The following GSK3B variants were observed in gnomAD, a reference collection of about 807,000 sequenced individuals.
GSK3B encodes the protein glycogen synthase kinase-3 beta.
Under a neutral mutation model 56.4 loss-of-function variants are expected in GSK3B, and 15 were observed. The observed-to-expected ratio is 0.27, with a 90% confidence interval of 0.18 to 0.41. The LOEUF (loss-of-function observed/expected upper bound fraction) is 0.41, where lower values mean the gene tolerates loss of function less well. Ranked by LOEUF, GSK3B falls within the 10% of genes least tolerant of loss-of-function variation. The pLI is 1.00. For synonymous variants in GSK3B, 181 were observed against 188.9 expected, an observed-to-expected ratio of 0.96 and a Z score of 0.34; for missense variants, 300 against 513.4, an observed-to-expected ratio of 0.58 and a Z score of 4.02.
intron 10 of GSK3B, among the ~76,000 whole-genome samples, chr3:119,828,578 G>A (rs920819610): frequency 6.6e-6 from 1 of 152,144 alleles, no homozygotes; most frequent in Non-Finnish European, 1.5e-5. Context: ...GCTATGGTGA[G>A]TAGAATAACC....
intron 7 of GSK3B, among the ~76,000 whole-genome samples, chr3:119,895,433 T>C (rs762148801): frequency 1.0e-4 from 4 of 39,384 alleles, no homozygotes; most frequent in Non-Finnish European, 1.6e-4. Flanking sequence ...TCAGGATAGA[T>C]TACCTAGAAG....
chr3:119,935,197 T>C (rs1270696695), intron 3 of GSK3B, among the ~76,000 whole-genome samples: 1 of 152,084 alleles, frequency 6.6e-6, no homozygotes, highest in African/African-American at 2.4e-5. Flanking sequence ...ATCCAGATAA[T>C]CAATAAACCA....
chr3:119,972,388 A>T (rs1476282252), intron 2 of GSK3B, among the ~76,000 whole-genome samples: 1 of 152,192 alleles, frequency 6.6e-6, no homozygotes, highest in Non-Finnish European at 1.5e-5. Flanking sequence ...AATGAAAAAC[A>T]GAATTAAGGG....
intron 2 of GSK3B, among the ~76,000 whole-genome samples, chr3:119,988,485 G>T (rs1057295353): frequency 1.3e-5 from 2 of 152,178 alleles, no homozygotes; most frequent in Non-Finnish European, 2.9e-5. Flanking sequence ...TGGAAAAACT[G>T]GTTATTTTTA....
In GSK3B at chr3:120,093,678, G is replaced by A; in HGVS notation, c.-244C>T. 1 of 388,130 alleles carries A rather than the reference G, an allele frequency of 2.6e-6. No homozygotes were observed. The highest frequency in any genetic ancestry group is 4.6e-6 in the Non-Finnish European group (1 of 216,996). 24.0% of individuals were successfully genotyped at this position (388,130 alleles called of 1,614,324 possible). Reference sequence around the variant, plus strand: ...AACATATAGATGATTTAGGACTTGGGAAAAAATACAATTCTTTCCCCTCCC... The same window carrying A: ...AACATATAGATGATTTAGGACTTGGAAAAAAATACAATTCTTTCCCCTCCC... On this transcript the variant is annotated 5_prime_UTR_variant, in exon 1 of 11. Transcript: ENST00000264235.
At chr3:119,847,162 T>C (rs1432693686) in intron 9 of GSK3B, among the ~76,000 whole-genome samples, 6 of 151,890 alleles carry the variant, frequency 4.0e-5, no homozygotes, top group African/African-American at 1.5e-4. Flanking sequence ...GGGGGAGGGA[T>C]AGCATTAGGA....
intron 7 of GSK3B, among the ~76,000 whole-genome samples, chr3:119,904,826 T>G (rs2056665915): frequency 6.6e-6 from 1 of 152,008 alleles, no homozygotes; most frequent in South Asian, 2.1e-4. Context: ...TCTAAGGAGA[T>G]TTTTCAATTT....
chr3:119,856,953 C>T (rs1166980334), intron 9 of GSK3B, among the ~76,000 whole-genome samples: 1 of 152,106 alleles, frequency 6.6e-6, no homozygotes, highest in South Asian at 2.1e-4. Flanking sequence ...AAGTGAGTCA[C>T]GCAAATGTTT....
At chr3:120,035,425 C>T (rs1051502803) in intron 1 of GSK3B, among the ~76,000 whole-genome samples, 6 of 152,186 alleles carry the variant, frequency 3.9e-5, no homozygotes, top group East Asian at 3.8e-4. Context: ...CTGCAACCCT[C>T]GGAAACTAAT....
At chr3:119,994,700 C>A (rs2057598147) in intron 2 of GSK3B, among the ~76,000 whole-genome samples, 1 of 152,044 alleles carries the variant, frequency 6.6e-6, no homozygotes, top group Non-Finnish European at 1.5e-5. Flanking sequence ...AAACATTACA[C>A]AAACCCAAAT....
chr3:119,944,579 T>G (rs2057081924), intron 3 of GSK3B, among the ~76,000 whole-genome samples: 1 of 152,166 alleles, frequency 6.6e-6, no homozygotes, highest in African/African-American at 2.4e-5. Flanking sequence ...TTCACTGTCC[T>G]GGCCTCAAAC....
rs1041704196 is a variant in GSK3B at position 119,825,295 on chromosome 3, C to T, written c.*1493G>A. The stretch of plus-strand genomic sequence containing the variant: ...CTAGTCATGAAAATCTATTTCCTCA[C>T]GGCAAACATAGTCCTTCAATTCTCC... On this transcript the variant is annotated 3_prime_UTR_variant, in exon 11 of 11. Transcript: ENST00000264235. The T allele has an allele frequency of 2.4e-4, 55 of 229,270 alleles. No individual in the cohort carries two copies. The highest frequency in any genetic ancestry group is 2.6e-3 in the Middle Eastern group (2 of 764). 14.2% of individuals were successfully genotyped at this position (229,270 alleles called of 1,614,324 possible).
chr3:119,900,856 A>G (rs1019811184), intron 7 of GSK3B, among the ~76,000 whole-genome samples: 1 of 152,266 alleles, frequency 6.6e-6, no homozygotes, highest in South Asian at 2.1e-4. Context: ...AAAAGAAAAT[A>G]TAGTATATGA....
chr3:119,884,468 T>G (rs1294285795), intron 7 of GSK3B, among the ~76,000 whole-genome samples: 1 of 152,048 alleles, frequency 6.6e-6, no homozygotes, highest in Non-Finnish European at 1.5e-5. Flanking sequence ...GACACATCAA[T>G]TTTCTTTTCT....
At chr3:119,994,323 TTAGAG>T (rs1322517106) in intron 2 of GSK3B, among the ~76,000 whole-genome samples, 1 of 152,252 alleles carries the variant, frequency 6.6e-6, no homozygotes, top group African/African-American at 2.4e-5. Context: ...CTCATAATCC[TTAGAG>T]TAGAATCTAA....
chr3:119,843,579 C>T lies in GSK3B; in HGVS notation c.1097-226G>A, dbSNP rs1577309954. On this transcript the variant is annotated intron_variant, in intron 9 of 10. Coordinates refer to ENST00000264235, the MANE Select transcript of GSK3B (RefSeq NM_001146156.2). ...CCAACATGGTGAAACCCCGTCTCTA[C>T]TAAAAATACAAAAATTAGGGGATCA... 1.4e-5 allele frequency: 3 copies of T among 212,732 alleles called. No homozygotes were observed. In the East Asian group the frequency reaches 4.4e-4, roughly 31 times the overall value. The allele number at this position is 212,732 out of a possible 1,614,324, so 13.2% of individuals were successfully genotyped here. A position where few individuals can be genotyped will look rare whatever the true frequency, so the allele number is the denominator to read the frequency against.
chr3:120,054,726 C>G (rs1220465739), intron 1 of GSK3B, among the ~76,000 whole-genome samples: 1 of 152,172 alleles, frequency 6.6e-6, no homozygotes, highest in African/African-American at 2.4e-5. Context: ...TCAGCTCATA[C>G]AAGTCTCCTG....
In GSK3B at chr3:119,896,630, A is replaced by G. The variant is rs191055818; in HGVS notation, c.813+9125T>C. On this transcript the variant is annotated intron_variant, in intron 7 of 10. Coordinates refer to ENST00000264235, the MANE Select transcript of GSK3B (RefSeq NM_001146156.2). ...TTAAAAACTAGAAATGCCCCTTTCTACAAGATTGCTAGTTTCTTATACTTT... is the reference window on the plus strand; with the variant it reads ...TTAAAAACTAGAAATGCCCCTTTCTGCAAGATTGCTAGTTTCTTATACTTT... Among the ~76,000 whole-genome samples, 242 of 152,294 alleles carry G rather than the reference A, an allele frequency of 1.6e-3. 3 individuals carry two copies. The East Asian group carries it at 0.034, about 21-fold the overall frequency.
chr3:119,950,655 T>C (rs1321175470), intron 2 of GSK3B, among the ~76,000 whole-genome samples: 3 of 152,106 alleles, frequency 2.0e-5, no homozygotes, highest in Non-Finnish European at 4.4e-5. Flanking sequence ...TACAGCAGAA[T>C]GATGACAGTA....
Sources: allele counts gnomAD v4.1 joint callset (sites outside exome capture counted in the v4.1 genomes callset), GRCh38; gene constraint gnomAD v4.1.1; transcripts MANE v1.5; gene names NCBI Gene and HGNC (gene_info 2026-07-23, HGNC 2026-07-21).